The following WDR25 variants were observed in gnomAD, a reference collection of about 807,000 sequenced individuals.
The protein encoded by WDR25 is WD repeat-containing protein 25.
WDR25 carries 35 observed loss-of-function variants against 47.7 expected under a neutral mutation model. The ratio of observed to expected loss-of-function variants is 0.73; its 90% CI spans 0.56 to 0.97. The LOEUF (loss-of-function observed/expected upper bound fraction) is 0.97, where lower values mean the gene tolerates loss of function less well. WDR25 is among the 50% of genes least tolerant of loss of function. WDR25 has a pLI of 0.00. For synonymous variants in WDR25, 248 were observed against 278.9 expected, an observed-to-expected ratio of 0.89 and a Z score of 1.10; for missense variants, 634 against 704.7, an observed-to-expected ratio of 0.90 and a Z score of 1.14.
intron 4 of WDR25, among the ~76,000 whole-genome samples, chr14:100,509,159 C>T (rs1268991050): frequency 6.6e-6 from 1 of 151,942 alleles, no homozygotes; most frequent in East Asian, 1.9e-4. Context: ...TTATTTCTTC[C>T]TTAAATGTTT....
chr14:100,426,208 G>A lies in WDR25; in HGVS notation c.823-41813G>A, dbSNP rs150654730. ...ATTATTGAAAAGTCAGTGTAGAGAA[G>A]ATAATGGGCTCTGTATTGGGTTATG... On this transcript the variant is annotated intron_variant, in intron 2 of 6. Transcript: ENST00000402312. 1.9e-3 allele frequency among the ~76,000 whole-genome samples: 290 copies of A among 152,334 alleles called. 2 individuals are homozygous for A. Among genetic ancestry groups the A allele is most frequent in the African/African-American group, 6.6e-3 (275 of 41,568 alleles).
intron 4 of WDR25, among the ~76,000 whole-genome samples, chr14:100,491,597 G>A (rs987523688): frequency 6.6e-5 from 10 of 152,208 alleles, no homozygotes; most frequent in Admixed American, 1.3e-4. Context: ...TCGTGTAAGC[G>A]CATGATGTTC....
intron 2 of WDR25, among the ~76,000 whole-genome samples, chr14:100,462,826 C>A (rs962190200): frequency 2.0e-4 from 27 of 137,532 alleles, no homozygotes; most frequent in Admixed American, 1.9e-3. Context: ...CCTCTCTTCC[C>A]CTCCCTTCTC....
At position 100,513,079 on chromosome 14, in the gene WDR25, A is replaced by ATAT. The variant is rs1595162507; in HGVS notation, c.1102-12791_1102-12790insTAT. On this transcript the variant is annotated intron_variant, in intron 4 of 6. Transcript: ENST00000402312. The stretch of plus-strand genomic sequence containing the variant: ...TGGTTGTTGGGTGCAGTGTTCTATA[A>ATAT]ATGTCAATTACGTCAAGTTGGTTGA... Among the ~76,000 whole-genome samples, 4 of 152,342 alleles carry ATAT rather than the reference A, an allele frequency of 2.6e-5. No individual in the cohort carries two copies. In the East Asian group the frequency reaches 7.7e-4, roughly 29 times the overall value.
At chr14:100,505,404 G>A (rs1217426360) in intron 4 of WDR25, among the ~76,000 whole-genome samples, 1 of 152,134 alleles carries the variant, frequency 6.6e-6, no homozygotes, top group African/African-American at 2.4e-5. Context: ...GCCACATGAG[G>A]TTCTCTTTCT....
chr14:100,521,666 A>G (rs1027783900), intron 4 of WDR25, among the ~76,000 whole-genome samples: 2 of 152,166 alleles, frequency 1.3e-5, no homozygotes, highest in African/African-American at 2.4e-5. Flanking sequence ...TTCTCGATGA[A>G]CATTGGGTTG....
intron 2 of WDR25, among the ~76,000 whole-genome samples, chr14:100,461,099 A>G (rs1357976872): frequency 6.6e-6 from 1 of 152,180 alleles, no homozygotes; most frequent in African/African-American, 2.4e-5. Context: ...CTGCAGTCCC[A>G]GCTCCTCGGA....
At position 100,528,491 on chromosome 14, in the gene WDR25, G is replaced by A. The variant is rs1232074777; in HGVS notation, c.1273-577G>A. ...TTGCCATGTTGCCCAGGCTGGTCTC[G>A]AACTCCTGGGCTCAAGAGATCCGCC... On this transcript the variant is annotated intron_variant, in intron 5 of 6. Transcript: ENST00000402312. Among the ~76,000 whole-genome samples, 10 of 141,970 alleles carry A rather than the reference G, an allele frequency of 7.0e-5. No individual in the cohort carries two copies. In the East Asian group the frequency reaches 1.4e-3, roughly 21 times the overall value. The allele number at this position is 141,970 out of a possible 152,430, so 93.1% of individuals were successfully genotyped here.
chr14:100,481,210 G>A (rs1475732395), intron 3 of WDR25: 20 of 507,234 alleles, frequency 3.9e-5, no homozygotes, highest in Admixed American at 7.0e-5. Flanking sequence ...CAGAAAATGG[G>A]GAAATGAAAA....
At chr14:100,495,373 C>A (rs1291527991) in intron 4 of WDR25, among the ~76,000 whole-genome samples, 1 of 152,032 alleles carries the variant, frequency 6.6e-6, no homozygotes, top group African/African-American at 2.4e-5. Flanking sequence ...AACAAACAAA[C>A]AAAAAAACCA....
In WDR25 at chr14:100,529,469, AG is replaced by A; in HGVS notation, c.1413+263del. On this transcript the variant is annotated intron_variant, in intron 6 of 6. Transcript: ENST00000402312. This position sits in a 1 kb window ranked among gnomAD's most constrained non-coding sequence, Gnocchi z 5.1. ...GGTCTCAGAAGTGGGGGGCAGGAACAGGACAAAATGGTCATGGGTGTCATTT... is the reference window on the plus strand; with the variant it reads ...GGTCTCAGAAGTGGGGGGCAGGAACAGACAAAATGGTCATGGGTGTCATTT... 2 of 603,798 alleles carry A rather than the reference AG, an allele frequency of 3.3e-6. No individual in the cohort carries two copies. Among genetic ancestry groups the A allele is most frequent in the South Asian group, 4.0e-5 (2 of 49,386 alleles). 37.4% of individuals were successfully genotyped at this position (603,798 alleles called of 1,614,324 possible).
At position 100,378,684 on chromosome 14, in the gene WDR25, C is replaced by T. The variant is rs192513813; in HGVS notation, c.-16+2189C>T. ...GGAAGAATGTTCCAGGCAGGCCGGG[C>T]GCGGTGGCTCACGCCTGTAATCCCA... On this transcript the variant is annotated intron_variant, in intron 1 of 6. Transcript: ENST00000402312. Among the ~76,000 whole-genome samples the T allele has an allele frequency of 4.7e-3, 120 of 25,582 alleles. 30 individuals carry two copies. The East Asian group carries it at 0.055, about 12-fold the overall frequency. 16.8% of individuals were successfully genotyped at this position (25,582 alleles called of 152,430 possible).
chr14:100,457,976 C>T (rs895508897), intron 2 of WDR25, among the ~76,000 whole-genome samples: 3 of 151,876 alleles, frequency 2.0e-5, no homozygotes, highest in Non-Finnish European at 4.4e-5. Flanking sequence ...ATATTCAATG[C>T]AAAAGAAGGC....
intron 2 of WDR25, among the ~76,000 whole-genome samples, chr14:100,427,776 C>T (rs983399421): frequency 1.6e-4 from 25 of 152,222 alleles, no homozygotes; most frequent in African/African-American, 5.5e-4. Context: ...TTGATGGGCA[C>T]CTTTGCCACC....
At position 100,425,078 on chromosome 14, in the gene WDR25, CT is replaced by C. The variant is rs1566904117; in HGVS notation, c.823-42942del. 6.6e-6 allele frequency among the ~76,000 whole-genome samples: 1 copy of C among 152,198 alleles called. No individual in the cohort carries two copies. Among genetic ancestry groups the C allele is most frequent in the Non-Finnish European group, 1.5e-5 (1 of 68,032 alleles). On this transcript the variant is annotated intron_variant, in intron 2 of 6. Coordinates refer to ENST00000402312, the MANE Select transcript of WDR25 (RefSeq NM_001161476.3). This position sits in a 1 kb window ranked among gnomAD's most constrained non-coding sequence, Gnocchi z 4.8. ...CAAGTGCAGCAGCCTCAGAAATGTT[CT>C]CCCCTGCCTCCCCTTCATGCCCCCA...
intron 3 of WDR25, among the ~76,000 whole-genome samples, chr14:100,479,900 T>C (rs1249193019): frequency 1.3e-5 from 2 of 152,056 alleles, no homozygotes; most frequent in Non-Finnish European, 2.9e-5. Context: ...GGGATCTAGG[T>C]TGTGCTCTTC....
At chr14:100,487,587 A>G (rs543849176) in intron 4 of WDR25, 1 of 152,328 alleles carries the variant, frequency 6.6e-6, no homozygotes, top group East Asian at 1.9e-4. Flanking sequence ...TGTCAGGACT[A>G]ATCCTCCTGA....
At chr14:100,474,451 G>T (rs1200314146) in intron 3 of WDR25, among the ~76,000 whole-genome samples, 1 of 152,190 alleles carries the variant, frequency 6.6e-6, no homozygotes, top group African/African-American at 2.4e-5. Context: ...GACCGTGACT[G>T]CACAGTAGTG....
chr14:100,478,406 A>G (rs540092568), intron 3 of WDR25, among the ~76,000 whole-genome samples: 3 of 152,352 alleles, frequency 2.0e-5, no homozygotes, highest in South Asian at 2.1e-4. Context: ...CTCCTCAGCT[A>G]TACCATCTCC....
Sources: gnomAD v4.1 joint callset for allele counts (sites outside exome capture counted in the v4.1 genomes callset) on GRCh38, gnomAD v4.1.1 for gene constraint, Gnocchi (gnomAD v3.1) non-coding constraint, MANE v1.5 for transcripts, NCBI Gene and HGNC (gene_info 2026-07-23, HGNC 2026-07-21) for gene names.